GPC5: variants seen among roughly 807,000 people sequenced by gnomAD.
GPC5 encodes glypican 5.
In GPC5, 47 loss-of-function variants were observed where a neutral mutation model predicts 53.9. The ratio of observed to expected loss-of-function variants is 0.87; its 90% CI spans 0.69 to 1.11. The LOEUF is 1.11. GPC5 is among the 50% of genes most tolerant of loss of function. The pLI is 0.00. For missense variants in GPC5, 748 were observed against 713.1 expected (o/e 1.05, Z -0.56); for synonymous variants, 286 against 263.3 (o/e 1.09, Z -0.84).
intron 6 of GPC5, among the ~76,000 whole-genome samples, chr13:91,954,081 T>C (rs1397654815): frequency 6.6e-6 from 1 of 152,214 alleles, no homozygotes; most frequent in Non-Finnish European, 1.5e-5. Context: ...TATAGTAATT[T>C]ATTCTGTGAT....
intron 7 of GPC5, among the ~76,000 whole-genome samples, chr13:92,706,504 A>C (rs1248098207): frequency 2.6e-5 from 4 of 152,094 alleles, no homozygotes; most frequent in Non-Finnish European, 4.4e-5. Flanking sequence ...CCTTCAAAGA[A>C]GTATAGAGCC....
chr13:91,481,068 C>A (rs990413607), intron 2 of GPC5, among the ~76,000 whole-genome samples: 2 of 152,040 alleles, frequency 1.3e-5, no homozygotes, highest in Non-Finnish European at 2.9e-5. Context: ...GCCTAATCAG[C>A]TGGCTTCTTT....
At chr13:91,566,421 G>A (rs988422199) in intron 2 of GPC5, among the ~76,000 whole-genome samples, 15 of 152,008 alleles carry the variant, frequency 9.9e-5, no homozygotes, top group African/African-American at 2.2e-4. Context: ...AAAATTAGCC[G>A]GGCGTGGTGG....
At chr13:92,274,478 T>C (rs1160547504) in intron 7 of GPC5, among the ~76,000 whole-genome samples, 1 of 152,142 alleles carries the variant, frequency 6.6e-6, no homozygotes, top group Non-Finnish European at 1.5e-5. Context: ...AATATCAGCT[T>C]TTCCTCATTG....
intron 7 of GPC5, among the ~76,000 whole-genome samples, chr13:92,546,071 C>A (rs1034584856): frequency 9.2e-5 from 14 of 152,178 alleles, no homozygotes; most frequent in Admixed American, 5.2e-4. Flanking sequence ...TGAATGGACA[C>A]AAACTGGAAG....
chr13:92,461,523 T>A (rs1878478776), intron 7 of GPC5, among the ~76,000 whole-genome samples: 1 of 152,140 alleles, frequency 6.6e-6, no homozygotes, highest in African/African-American at 2.4e-5. Flanking sequence ...GAAGGTGGAA[T>A]GGATTGAATG....
At chr13:91,424,126 G>A (rs1374536583) in intron 1 of GPC5, among the ~76,000 whole-genome samples, 2 of 152,108 alleles carry the variant, frequency 1.3e-5, no homozygotes, top group African/African-American at 4.8e-5. Flanking sequence ...AATTTCTGGA[G>A]GTAATCAGGA....
intron 2 of GPC5, among the ~76,000 whole-genome samples, chr13:91,460,763 T>C (rs953889979): frequency 2.2e-5 from 3 of 135,738 alleles, no homozygotes; most frequent in Admixed American, 7.0e-5. Context: ...ATATTTCAGC[T>C]TTTTTTTTTC....
At chr13:92,411,233 G>A (rs1205015079) in intron 7 of GPC5, among the ~76,000 whole-genome samples, 1 of 152,106 alleles carries the variant, frequency 6.6e-6, no homozygotes, top group Non-Finnish European at 1.5e-5. Context: ...TCACGCCACT[G>A]CACTCCAGCC....
At chr13:92,338,814 T>A (rs954596859) in intron 7 of GPC5, among the ~76,000 whole-genome samples, 3 of 151,708 alleles carry the variant, frequency 2.0e-5, no homozygotes, top group Non-Finnish European at 4.4e-5. Context: ...TAATTGTGGA[T>A]ACATGTTATT....
At chr13:92,521,398 G>A (rs1473186484) in intron 7 of GPC5, among the ~76,000 whole-genome samples, 11 of 152,064 alleles carry the variant, frequency 7.2e-5, no homozygotes, top group East Asian at 3.9e-4. Context: ...TACAGTAACC[G>A]AAACAGCATG....
At chr13:91,521,498 A>G (rs1173893104) in intron 2 of GPC5, among the ~76,000 whole-genome samples, 3 of 152,230 alleles carry the variant, frequency 2.0e-5, no homozygotes, top group Non-Finnish European at 4.4e-5. Flanking sequence ...CTCCTTGGTT[A>G]AATTTTTCAC....
At chr13:92,537,405 C>T (rs1053377553) in intron 7 of GPC5, among the ~76,000 whole-genome samples, 1 of 152,152 alleles carries the variant, frequency 6.6e-6, no homozygotes, top group African/African-American at 2.4e-5. Flanking sequence ...AAGTAGACAA[C>T]TGACTTCTTC....
chr13:92,601,848 T>A (rs1884070507), intron 7 of GPC5, among the ~76,000 whole-genome samples: 1 of 151,758 alleles, frequency 6.6e-6, no homozygotes, highest in Non-Finnish European at 1.5e-5. Context: ...CACGTGGACT[T>A]ACTGAAAATT....
chr13:92,567,297 A>G (rs1882891107), intron 7 of GPC5, among the ~76,000 whole-genome samples: 1 of 152,110 alleles, frequency 6.6e-6, no homozygotes, highest in South Asian at 2.1e-4. Context: ...TTTGTAGGCA[A>G]AGGGGAATTT....
intron 1 of GPC5, among the ~76,000 whole-genome samples, chr13:91,433,727 G>C (rs940275968): frequency 1.3e-5 from 2 of 152,104 alleles, no homozygotes; most frequent in African/African-American, 4.8e-5. Context: ...GTAATGGGAT[G>C]GCTGGGTCAA....
intron 7 of GPC5, among the ~76,000 whole-genome samples, chr13:92,382,413 T>C (rs80304731): frequency 0.014 from 2,104 of 152,248 alleles, 52 homozygotes; most frequent in African/African-American, 0.048. Context: ...TGTTCTATAA[T>C]GTGAATGGGG....
intron 7 of GPC5, among the ~76,000 whole-genome samples, chr13:92,553,954 G>A (rs1882407512): frequency 6.6e-6 from 1 of 151,882 alleles, no homozygotes; most frequent in South Asian, 2.1e-4. Flanking sequence ...TTCCTTCTCA[G>A]AGGCAAATAT....
At chr13:92,390,166 A>T (rs1157628345) in intron 7 of GPC5, among the ~76,000 whole-genome samples, 1 of 152,176 alleles carries the variant, frequency 6.6e-6, no homozygotes, top group Non-Finnish European at 1.5e-5. Context: ...CTGAAGGCAG[A>T]TAAAATTGGT....
Sources: gnomAD v4.1 joint callset for allele counts (sites outside exome capture counted in the v4.1 genomes callset) on GRCh38, gnomAD v4.1.1 for gene constraint, MANE v1.5 for transcripts, NCBI Gene and HGNC (gene_info 2026-07-23, HGNC 2026-07-21) for gene names.